SHANK2: variants seen among roughly 807,000 people sequenced by gnomAD.
SHANK2 encodes the protein SH3 and multiple ankyrin repeat domains 2.
Under a neutral mutation model 133.7 loss-of-function variants are expected in SHANK2, and 43 were observed. That is an observed-to-expected ratio of 0.32 (90% CI 0.25 to 0.41). The LOEUF is 0.41. SHANK2 is among the 10% of genes least tolerant of loss of function. SHANK2 has a pLI of 1.00. For synonymous variants in SHANK2, 1,017 were observed against 952.8 expected, an observed-to-expected ratio of 1.07 and a Z score of -1.24; for missense variants, 1,994 against 2,235.8, an observed-to-expected ratio of 0.89 and a Z score of 2.18.
At chr11:70,530,836 A>G (rs2135973060) in intron 17 of SHANK2, among the ~76,000 whole-genome samples, 1 of 152,232 alleles carries the variant, frequency 6.6e-6, no homozygotes, top group Non-Finnish European at 1.5e-5. Flanking sequence ...ACGATTGCAC[A>G]ACAATGTAAG....
At chr11:70,510,216 C>T (rs2059185466) in intron 17 of SHANK2, among the ~76,000 whole-genome samples, 1 of 152,162 alleles carries the variant, frequency 6.6e-6, no homozygotes, top group South Asian at 2.1e-4. Flanking sequence ...ATGCAAAGGC[C>T]ACAGCCCCCA....
chr11:71,208,289 G>A (rs1431729515), intron 2 of SHANK2, among the ~76,000 whole-genome samples: 1 of 152,020 alleles, frequency 6.6e-6, no homozygotes, highest in Non-Finnish European at 1.5e-5. Context: ...AAGGAGGGCA[G>A]CCCCAGCAGA....
At chr11:71,089,002 G>T (rs1020818720) in intron 8 of SHANK2, among the ~76,000 whole-genome samples, 1 of 151,388 alleles carries the variant, frequency 6.6e-6, no homozygotes, top group Non-Finnish European at 1.5e-5. Context: ...GACCTTGTGG[G>T]TGACTGCACC....
chr11:70,774,264 T>C (rs1163038384), intron 14 of SHANK2, among the ~76,000 whole-genome samples: 1 of 151,868 alleles, frequency 6.6e-6, no homozygotes, highest in Non-Finnish European at 1.5e-5. Context: ...CAAATCTAGA[T>C]TGAGAAAGTG....
rs1216035619 is a variant in SHANK2, at chr11:71,090,350, C to CTG, written c.912+2070_912+2071dup. ...AGGGCTCTCCAGAGAAACACAACCT[C>CTG]TGTGTGTGTGTGTGTGTGTGTGTGT... On this transcript the variant is annotated intron_variant, in intron 8 of 25. Coordinates refer to ENST00000601538, the MANE Select transcript of SHANK2 (RefSeq NM_012309.5). 4.4e-3 allele frequency among the ~76,000 whole-genome samples: 34 copies of CTG among 7,730 alleles called. 5 individuals are homozygous for CTG. Among genetic ancestry groups the CTG allele is most frequent in the African/African-American group, 0.014 (23 of 1,688 alleles). The allele number at this position is 7,730 out of a possible 152,430, so 5.1% of individuals were successfully genotyped here. A position where few individuals can be genotyped will look rare whatever the true frequency, so the allele number is the denominator to read the frequency against.
At chr11:70,954,032 A>G (rs1950881748) in intron 10 of SHANK2, among the ~76,000 whole-genome samples, 1 of 152,216 alleles carries the variant, frequency 6.6e-6, no homozygotes, top group South Asian at 2.1e-4. Context: ...ACATCAGCTC[A>G]TAGAAATTGC....
At chr11:70,619,057 C>T (rs376899700) in intron 17 of SHANK2, among the ~76,000 whole-genome samples, 6 of 152,278 alleles carry the variant, frequency 3.9e-5, no homozygotes, top group African/African-American at 1.4e-4. Context: ...TCAGGACCCC[C>T]GCTTTCTGCC....
At position 70,661,982 on chromosome 11, in the gene SHANK2, G is replaced by C; in HGVS notation, c.1854-304C>G. Reference sequence around the variant, plus strand: ...CTGCCTGAGGGATGGCTGAGCTGGAGGCTCAAGGGGGGCTGGCCAGGACGC... The same window carrying C: ...CTGCCTGAGGGATGGCTGAGCTGGACGCTCAAGGGGGGCTGGCCAGGACGC... On this transcript the variant is annotated intron_variant, in intron 15 of 25. Coordinates refer to ENST00000601538, the MANE Select transcript of SHANK2 (RefSeq NM_012309.5). 8 of 632,766 alleles carry C rather than the reference G, an allele frequency of 1.3e-5. No individual in the cohort carries two copies. In the South Asian group the frequency reaches 1.4e-4, roughly 11 times the overall value. The allele number at this position is 632,766 out of a possible 1,614,324, so 39.2% of individuals were successfully genotyped here. A position where few individuals can be genotyped will look rare whatever the true frequency, so the allele number is the denominator to read the frequency against.
intron 15 of SHANK2, among the ~76,000 whole-genome samples, chr11:70,675,619 C>A (rs1293735457): frequency 6.6e-6 from 1 of 152,202 alleles, no homozygotes; most frequent in Non-Finnish European, 1.5e-5. Flanking sequence ...TTGGTCCTAG[C>A]AGCATGTTCT....
chr11:70,519,361 G>A (rs565313340), intron 17 of SHANK2, among the ~76,000 whole-genome samples: 1 of 152,206 alleles, frequency 6.6e-6, no homozygotes. Context: ...TCTTTAAAAA[G>A]TGTCATTATG....
chr11:71,107,612 C>T (rs114396390), intron 6 of SHANK2, among the ~76,000 whole-genome samples: 388 of 152,328 alleles, frequency 2.5e-3, no homozygotes, highest in African/African-American at 9.0e-3. Flanking sequence ...TGCTCCACAA[C>T]GGCTCACAAC....
At chr11:70,943,954 G>T in intron 10 of SHANK2, 1 of 456,640 alleles carries the variant, frequency 2.2e-6, no homozygotes, top group Non-Finnish European at 4.4e-6. Flanking sequence ...TTGACTTCCT[G>T]CCAGGGAAGA....
At chr11:70,788,252 C>T (rs1259851817) in intron 14 of SHANK2, among the ~76,000 whole-genome samples, 2 of 152,158 alleles carry the variant, frequency 1.3e-5, no homozygotes, top group South Asian at 4.1e-4. Context: ...TGGCCACAGA[C>T]AAGAAATCTC....
At chr11:70,715,432 C>G (rs1372303552) in intron 14 of SHANK2, among the ~76,000 whole-genome samples, 1 of 152,156 alleles carries the variant, frequency 6.6e-6, no homozygotes, top group African/African-American at 2.4e-5. Context: ...CCCACACTAG[C>G]CCTTCTTGCA....
Position 71,234,538 on chromosome 11 carries a change from G to A in SHANK2, c.-112-9742C>T, listed in dbSNP as rs555070930. Among the ~76,000 whole-genome samples the A allele has an allele frequency of 1.7e-4, 26 of 152,218 alleles. No individual in the cohort carries two copies. In the South Asian group the frequency reaches 5.2e-3, roughly 30 times the overall value. ...CAGGAAATGCCCCCCGCCCCAGACT[G>A]GTCCTCCACGTGCTGGACTCCGAGT... is the stretch of plus-strand genomic sequence containing the variant. On this transcript the variant is annotated intron_variant, in intron 1 of 25. Coordinates refer to ENST00000601538, the MANE Select transcript of SHANK2 (RefSeq NM_012309.5).
At chr11:70,824,622 C>T (rs1314436777) in intron 11 of SHANK2, among the ~76,000 whole-genome samples, 1 of 152,168 alleles carries the variant, frequency 6.6e-6, no homozygotes, top group African/African-American at 2.4e-5. Context: ...AAAACCTCAT[C>T]CCTGGGACAG....
chr11:71,129,273 T>C (rs1453367944), intron 3 of SHANK2, among the ~76,000 whole-genome samples: 2 of 152,208 alleles, frequency 1.3e-5, no homozygotes, highest in Non-Finnish European at 2.9e-5. Flanking sequence ...CTCAGTGGAC[T>C]GTGCAGACCA....
intron 17 of SHANK2, among the ~76,000 whole-genome samples, chr11:70,587,176 G>A (rs371103808): frequency 8.0e-4 from 122 of 152,284 alleles, no homozygotes; most frequent in African/African-American, 2.4e-3. Context: ...AGAGTTCCAC[G>A]GCGAGCTGGG....
chr11:71,155,461 AC>A (rs1235071339), intron 2 of SHANK2, among the ~76,000 whole-genome samples: 1 of 148,636 alleles, frequency 6.7e-6, no homozygotes, highest in Admixed American at 6.7e-5. Context: ...GGGTGGACCT[AC>A]CCCTGCCCAC....
Sources: allele counts gnomAD v4.1 joint callset (sites outside exome capture counted in the v4.1 genomes callset), GRCh38; gene constraint gnomAD v4.1.1; transcripts MANE v1.5; gene names NCBI Gene and HGNC (gene_info 2026-07-23, HGNC 2026-07-21).